The following INTS9 variants were observed in gnomAD, a reference collection of about 807,000 sequenced individuals.
The protein encoded by INTS9 is protein related to CPSF subunits of 74 kDa.
In INTS9, 55 loss-of-function variants were observed where a neutral mutation model predicts 79.7. The observed-to-expected ratio is 0.69, with a 90% CI of 0.56 to 0.86. The LOEUF (loss-of-function observed/expected upper bound fraction) is 0.86. INTS9 is among the 40% of genes least tolerant of loss of function. The probability of loss-of-function intolerance (pLI) is 0.00; values close to 1 mark genes in which losing one functional copy is unlikely to be tolerated. For synonymous variants in INTS9, 319 were observed against 325.2 expected, an observed-to-expected ratio of 0.98 and a Z score of 0.20; for missense variants, 721 against 831.5, an observed-to-expected ratio of 0.87 and a Z score of 1.64.
chr8:28,776,677 C>T (rs1163412614), intron 13 of INTS9, among the ~76,000 whole-genome samples: 1 of 152,054 alleles, frequency 6.6e-6, no homozygotes, highest in East Asian at 1.9e-4. Flanking sequence ...TTCCTTAGGG[C>T]TAATACTTTT....
rs1251373170 is a variant in INTS9 at position 28,889,963 on chromosome 8, G to A, written c.-81C>T. 2.5e-6 allele frequency: 3 copies of A among 1,181,136 alleles called. No homozygotes were observed. The highest frequency in any genetic ancestry group is 3.8e-6 in the Non-Finnish European group (3 of 794,076). The allele number at this position is 1,181,136 out of a possible 1,614,324, so 73.2% of individuals were successfully genotyped here. On this transcript the variant is annotated 5_prime_UTR_variant, in exon 1 of 17. Coordinates refer to ENST00000521022, the MANE Select transcript of INTS9 (RefSeq NM_018250.4). The stretch of plus-strand genomic sequence containing the variant: ...TCTTCCGGTGCAATCTCCGCCACCT[G>A]CCAGCCGAGAGCATCGCGGGACTTG...
At chr8:28,800,179 CA>C (rs1440965741) in intron 8 of INTS9, among the ~76,000 whole-genome samples, 1 of 152,178 alleles carries the variant, frequency 6.6e-6, no homozygotes, top group Non-Finnish European at 1.5e-5. Context: ...TGGCATACAG[CA>C]TTTACTAAAC....
intron 10 of INTS9, 150 bp downstream of exon 10, chr8:28,793,657 T>G (rs1804033979): frequency 2.6e-6 from 2 of 759,858 alleles, no homozygotes; most frequent in African/African-American, 1.7e-5. Context: ...AGATTTGGCT[T>G]TTAATAATGC....
At position 28,862,675 on chromosome 8, in the gene INTS9, T is replaced by G. The variant is rs145139235; in HGVS notation, c.10-3112A>C. Among the ~76,000 whole-genome samples, 587 of 152,370 alleles carry G rather than the reference T, an allele frequency of 3.9e-3. 3 individuals are homozygous for G. Among genetic ancestry groups the G allele is most frequent in the African/African-American group, 0.013 (557 of 41,588 alleles). The stretch of plus-strand genomic sequence containing the variant: ...CTTATTTACAATGTCATTGGTAATA[T>G]ATCAGAAGATCTGTTTCACTGCTCA... On this transcript the variant is annotated intron_variant, in intron 1 of 16. Coordinates refer to ENST00000521022, the MANE Select transcript of INTS9 (RefSeq NM_018250.4).
intron 1 of INTS9, among the ~76,000 whole-genome samples, chr8:28,879,042 G>T (rs542563954): frequency 6.6e-6 from 1 of 152,004 alleles, no homozygotes; most frequent in Admixed American, 6.5e-5. Context: ...AGAACATAGA[G>T]GAGGTACAGA....
intron 10 of INTS9, among the ~76,000 whole-genome samples, chr8:28,789,830 AT>A (rs906706013): frequency 6.6e-5 from 10 of 152,256 alleles, no homozygotes; most frequent in Admixed American, 4.6e-4. Flanking sequence ...GTGAGCCGTG[AT>A]TGTGCTACTG....
At chr8:28,817,339 T>G (rs1329138125) in intron 6 of INTS9, among the ~76,000 whole-genome samples, 1 of 152,212 alleles carries the variant, frequency 6.6e-6, no homozygotes, top group Non-Finnish European at 1.5e-5. Flanking sequence ...ATATAAGGTG[T>G]AAGGAAGGGA....
At position 28,846,747 on chromosome 8, in the gene INTS9, C is replaced by T. The variant is rs1254399100; in HGVS notation, c.261G>A (p.Glu87=). Residue 87 remains glutamate, a splice_region_variant and synonymous_variant, in exon 4 of 17, where the codon GAG becomes GAA. Coordinates refer to ENST00000521022, the MANE Select transcript of INTS9 (RefSeq NM_018250.4). ...VDSVPEFCLP[E]TELIDLSTVD... ...ACAATAAGATTCACCTTAATCTTACCTCTGGTAAACAGAATTCCGGCACAG... is the reference window on the plus strand; with the variant it reads ...ACAATAAGATTCACCTTAATCTTACTTCTGGTAAACAGAATTCCGGCACAG... 6.2e-7 allele frequency: 1 copy of T among 1,608,986 alleles called. No individual in the cohort carries two copies. Among genetic ancestry groups the T allele is most frequent in the Non-Finnish European group, 8.5e-7 (1 of 1,175,440 alleles).
chr8:28,827,834 G>A (rs1585423809), intron 6 of INTS9, among the ~76,000 whole-genome samples: 1 of 152,176 alleles, frequency 6.6e-6, no homozygotes. Context: ...GGTCTTAAGT[G>A]GACTTCCTGG....
At chr8:28,883,057 G>A (rs1367267523) in intron 1 of INTS9, among the ~76,000 whole-genome samples, 2 of 152,036 alleles carry the variant, frequency 1.3e-5, no homozygotes, top group African/African-American at 4.8e-5. Context: ...TTTCTGGCAC[G>A]TACCCCTTTC....
chr8:28,889,931 G>A lies in INTS9; in HGVS notation c.-49C>T, dbSNP rs761655069. 1 of 1,548,644 alleles carries A rather than the reference G, an allele frequency of 6.5e-7. No individual in the cohort carries two copies. Among genetic ancestry groups the A allele is most frequent in the South Asian group, 1.1e-5 (1 of 88,840 alleles). On this transcript the variant is annotated 5_prime_UTR_variant, in exon 1 of 17. Transcript: ENST00000521022. Reference sequence around the variant, plus strand: ...GCAGTCACTGAACTCCTCAAACCCAGGAAGCGTCTTCCGGTGCAATCTCCG... The same window carrying A: ...GCAGTCACTGAACTCCTCAAACCCAAGAAGCGTCTTCCGGTGCAATCTCCG...
intron 1 of INTS9, among the ~76,000 whole-genome samples, chr8:28,878,154 GATA>G (rs1043930582): frequency 1.6e-4 from 25 of 152,028 alleles, no homozygotes; most frequent in African/African-American, 5.1e-4. Context: ...AACCAATGTG[GATA>G]ATATCTCATT....
intron 1 of INTS9, among the ~76,000 whole-genome samples, chr8:28,866,743 G>C (rs1241700736): frequency 6.6e-6 from 1 of 151,204 alleles, no homozygotes; most frequent in East Asian, 2.0e-4. Flanking sequence ...TTGGGAGGCC[G>C]AGGCGGGCGG....
intron 3 of INTS9, among the ~76,000 whole-genome samples, chr8:28,848,174 A>G (rs1370021977): frequency 6.6e-6 from 1 of 152,246 alleles, no homozygotes; most frequent in Non-Finnish European, 1.5e-5. Context: ...ATGACTTTAC[A>G]CTGAAACCAG....
intron 14 of INTS9, among the ~76,000 whole-genome samples, chr8:28,771,324 G>A (rs372026390): frequency 1.5e-3 from 234 of 152,138 alleles, no homozygotes; most frequent in African/African-American, 5.4e-3. Flanking sequence ...CAGGAAGGAC[G>A]GGGACAGCAG....
At chr8:28,813,324 G>A (rs1805268367) in intron 7 of INTS9, among the ~76,000 whole-genome samples, 168 bp downstream of exon 7, 1 of 152,160 alleles carries the variant, frequency 6.6e-6, no homozygotes, top group Admixed American at 6.5e-5. Context: ...TGAGGGTGGG[G>A]AAAGAGCACC....
At chr8:28,855,202 C>T (rs528932683) in intron 2 of INTS9, among the ~76,000 whole-genome samples, 105 of 152,302 alleles carry the variant, frequency 6.9e-4, no homozygotes, top group African/African-American at 2.5e-3. Context: ...ATACATGTGA[C>T]TGCTCTGAAG....
intron 6 of INTS9, among the ~76,000 whole-genome samples, chr8:28,824,051 T>C (rs1009226035): frequency 6.6e-6 from 1 of 152,224 alleles, no homozygotes; most frequent in Non-Finnish European, 1.5e-5. Context: ...ATTTATTCTA[T>C]ACATATTTAC....
intron 10 of INTS9, among the ~76,000 whole-genome samples, chr8:28,791,140 A>G (rs974859030): frequency 5.3e-5 from 8 of 152,044 alleles, no homozygotes. Context: ...GATGGTAGAG[A>G]CTGGAGTCTT....
Sources: gnomAD v4.1 joint callset for allele counts (sites outside exome capture counted in the v4.1 genomes callset) on GRCh38, gnomAD v4.1.1 for gene constraint, MANE v1.5 for transcripts, NCBI Gene and HGNC (gene_info 2026-07-23, HGNC 2026-07-21) for gene names.